The following TG variants were observed in gnomAD, a reference collection of about 807,000 sequenced individuals.
TG encodes the protein thyroid hormones.
In TG, 270 loss-of-function variants were observed where a neutral mutation model predicts 324.7. That is an observed-to-expected ratio of 0.83 (90% confidence interval 0.75 to 0.92). TG has a LOEUF of 0.92. TG is among the 40% of genes least tolerant of loss of function. The pLI is 0.00. For missense variants in TG, 3,591 were observed against 3,456.4 expected (o/e 1.04, Z -0.98); for synonymous variants, 1,401 against 1,327.0 (o/e 1.06, Z -1.21).
intron 44 of TG, among the ~76,000 whole-genome samples, chr8:133,114,968 C>T (rs1850557779): frequency 6.7e-6 from 1 of 149,804 alleles, no homozygotes; most frequent in African/African-American, 2.5e-5. Context: ...GAGATCTCCA[C>T]TTTAGATTAA....
chr8:132,948,726 A>G (rs1373294126), intron 26 of TG, 50 bp from the exon 27 acceptor site: 1 of 1,597,960 alleles, frequency 6.3e-7, no homozygotes, highest in Non-Finnish European at 8.6e-7. Flanking sequence ...AAGAGTCTCT[A>G]AAGGTCCCCC....
At chr8:132,886,411 T>G (rs771600436) in intron 8 of TG, 37 bp from the exon 9 acceptor site, 130 of 1,613,656 alleles carry the variant, frequency 8.1e-5, no homozygotes, top group Middle Eastern at 4.9e-4. Flanking sequence ...CTTGTGACAT[T>G]AAAACCTTTT....
At chr8:132,914,706 C>T (rs934573757) in intron 20 of TG, among the ~76,000 whole-genome samples, 6 of 152,158 alleles carry the variant, frequency 3.9e-5, no homozygotes, top group African/African-American at 9.7e-5. Flanking sequence ...TAATAGAGGG[C>T]GAGTAAGCCC....
chr8:132,876,965 G>T (rs1418603951), intron 5 of TG, among the ~76,000 whole-genome samples: 1 of 152,176 alleles, frequency 6.6e-6, no homozygotes, highest in East Asian at 1.9e-4. Context: ...CCAGTGGGAA[G>T]AAGGATCAGA....
chr8:132,873,495 C>T (rs1027982974), intron 5 of TG, among the ~76,000 whole-genome samples: 16 of 152,174 alleles, frequency 1.1e-4, no homozygotes, highest in African/African-American at 3.9e-4. Flanking sequence ...GTGCCTACTA[C>T]ATCATTTTTC....
intron 34 of TG, among the ~76,000 whole-genome samples, chr8:132,974,446 T>A (rs1451240239): frequency 6.6e-6 from 1 of 152,184 alleles, no homozygotes; most frequent in Non-Finnish European, 1.5e-5. Context: ...GTAGGTATTG[T>A]TTTTTCCATT....
intron 23 of TG, 55 bp downstream of exon 23, chr8:132,929,247 C>A: frequency 7.2e-7 from 1 of 1,392,590 alleles, no homozygotes; most frequent in Non-Finnish European, 1.0e-6. Flanking sequence ...ATAAGCTCTG[C>A]TGAGAGTTGT....
rs769558151 is a variant in TG at position 133,070,015 on chromosome 8, AAAAAAAAAAAAG to A, written c.7240-25025_7240-25014del. The stretch of plus-strand genomic sequence containing the variant: ...GGCTCCAGCTCCAAAAAAAAAAAAA[AAAAAAAAAAAAG>A]AAAGAAAGAAAGAAAAGAAAAGAAG... On this transcript the variant is annotated intron_variant, in intron 41 of 47. Transcript: ENST00000220616. 5.5e-3 allele frequency among the ~76,000 whole-genome samples: 530 copies of A among 96,580 alleles called. 19 individuals carry two copies. Among genetic ancestry groups the A allele is most frequent in the Non-Finnish European group, 7.0e-3 (270 of 38,350 alleles). 63.4% of individuals were successfully genotyped at this position (96,580 alleles called of 152,430 possible).
intron 35 of TG, chr8:133,002,757 A>G: frequency 4.1e-6 from 1 of 242,148 alleles, no homozygotes; most frequent in Non-Finnish European, 8.0e-6. Flanking sequence ...ATTTTCCTTC[A>G]CGTGTTTCAG....
At chr8:132,974,310 C>T (rs1829931709) in intron 34 of TG, among the ~76,000 whole-genome samples, 1 of 152,148 alleles carries the variant, frequency 6.6e-6, no homozygotes, top group Non-Finnish European at 1.5e-5. Flanking sequence ...TTTATTTCAC[C>T]CAATATAACC....
chr8:133,129,676 T>C (rs1277743299), intron 45 of TG, among the ~76,000 whole-genome samples: 1 of 152,066 alleles, frequency 6.6e-6, no homozygotes, highest in Admixed American at 6.6e-5. Flanking sequence ...TTTGTATTTT[T>C]TGTAGAGATG....
chr8:133,056,489 C>T (rs1841468003), intron 41 of TG, among the ~76,000 whole-genome samples: 1 of 152,160 alleles, frequency 6.6e-6, no homozygotes, highest in Non-Finnish European at 1.5e-5. Flanking sequence ...AGCATGGGGG[C>T]TTCTTGAAAC....
At chr8:132,963,177 T>A in intron 29 of TG, 103 bp downstream of exon 29, 1 of 1,071,456 alleles carries the variant, frequency 9.3e-7, no homozygotes, top group Non-Finnish European at 1.5e-6. Flanking sequence ...GACATCACTC[T>A]ATTCTGTATC....
At chr8:133,123,777 T>C (rs1339040807) in intron 45 of TG, among the ~76,000 whole-genome samples, 1 of 152,186 alleles carries the variant, frequency 6.6e-6, no homozygotes, top group Non-Finnish European at 1.5e-5. Flanking sequence ...AGAGCACCGG[T>C]TTGTTCTCTG....
chr8:133,094,887 A>C, intron 41 of TG, 157 bp from the exon 42 acceptor site: 2 of 959,448 alleles, frequency 2.1e-6, no homozygotes, highest in Non-Finnish European at 3.3e-6. Flanking sequence ...CTGTTGACCA[A>C]TCCTTATCTT....
intron 35 of TG, among the ~76,000 whole-genome samples, chr8:133,000,571 C>T (rs1441150105): frequency 2.0e-5 from 3 of 152,194 alleles, no homozygotes; most frequent in Non-Finnish European, 2.9e-5. Flanking sequence ...TGCAATGCCA[C>T]CTCTTAGAGC....
At chr8:132,957,508 A>G (rs1587568535) in intron 27 of TG, among the ~76,000 whole-genome samples, 1 of 152,106 alleles carries the variant, frequency 6.6e-6, no homozygotes, top group Non-Finnish European at 1.5e-5. Flanking sequence ...AATTTTTGAC[A>G]TTATGTAAAA....
rs548848987 is a variant in TG at position 132,885,137 on chromosome 8, G to A, written c.1076-1311G>A. On this transcript the variant is annotated intron_variant, in intron 8 of 47. Transcript: ENST00000220616. ...AAAAATATTTTAAAAGTTGGGGGGG[G>A]GGCGTGGTGGTTAAAAGGTAAGAGT... 3.8e-4 allele frequency among the ~76,000 whole-genome samples: 57 copies of A among 150,902 alleles called. No homozygotes were observed. In the East Asian group the frequency reaches 8.2e-3, roughly 22 times the overall value.
At chr8:132,954,927 G>A (rs1041031539) in intron 27 of TG, among the ~76,000 whole-genome samples, 2 of 152,158 alleles carry the variant, frequency 1.3e-5, no homozygotes, top group Non-Finnish European at 2.9e-5. Context: ...TCTGCCTCCT[G>A]TTAAGGAAGC....
Sources: allele counts gnomAD v4.1 joint callset (sites outside exome capture counted in the v4.1 genomes callset), GRCh38; gene constraint gnomAD v4.1.1; transcripts MANE v1.5; gene names NCBI Gene and HGNC (gene_info 2026-07-23, HGNC 2026-07-21).